MEA1: variants seen among roughly 807,000 people sequenced by gnomAD.
MEA1 encodes Male-enhanced antigen (H-Y structural gene).
A neutral mutation model predicts 21.4 loss-of-function variants in MEA1; 22 were observed. The observed-to-expected ratio is 1.03, with a 90% confidence interval of 0.73 to 1.47. The LOEUF is 1.47. MEA1 is among the 40% of genes most tolerant of loss of function. The pLI is 0.00. For synonymous variants in MEA1, 91 were observed against 85.5 expected (o/e 1.06, Z -0.35); for missense variants, 233 against 230.5 (o/e 1.01, Z -0.07).
intron 1 of MEA1, 193 bp downstream of exon 1, chr6:43,013,593 A>T: frequency 5.0e-6 from 4 of 807,654 alleles, no homozygotes; most frequent in Non-Finnish European, 7.9e-6. Context: ...AGGCCCCACC[A>T]ACTTGCTCCG....
At chr6:43,013,476 G>C (rs2150287296) in intron 1 of MEA1, 87 bp from the exon 2 acceptor site, 1 of 1,465,442 alleles carries the variant, frequency 6.8e-7, no homozygotes, top group South Asian at 1.3e-5. Context: ...AGTCTCCTGC[G>C]TGCAAAAAAC....
In MEA1 at chr6:43,011,153, TAA is replaced by T. The variant is rs1354992216; in HGVS notation, c.*1315_*1316del. 6.2e-7 allele frequency: 1 copy of T among 1,614,082 alleles called. No individual in the cohort carries two copies. Among genetic ancestry groups the T allele is most frequent in the Non-Finnish European group, 8.5e-7 (1 of 1,179,994 alleles). On this transcript the variant is annotated 3_prime_UTR_variant, in exon 4 of 4. Transcript: ENST00000244711. ...CTTGTCCCTATTCACACACAGATGCTAAAAGACATCAAGAAGGAGAAAGTGCT... is the reference window on the plus strand; with the variant it reads ...CTTGTCCCTATTCACACACAGATGCTAAGACATCAAGAAGGAGAAAGTGCT...
chr6:43,016,471 C>G (rs147127947), upstream of MEA1: 2 of 152,466 alleles, frequency 1.3e-5, no homozygotes, highest in African/African-American at 4.8e-5. Flanking sequence ...CAAAGGAACT[C>G]CTTGTGCCTG....
rs978480289 is a variant in MEA1, at chr6:43,013,490, C to T, written c.29-101G>A. ...TAGTCTCCTGCGTGCAAAAAACCAGCTCCTCCCCGAGGCTCCTGCATCCTC... is the reference window on the plus strand; with the variant it reads ...TAGTCTCCTGCGTGCAAAAAACCAGTTCCTCCCCGAGGCTCCTGCATCCTC... On this transcript the variant is annotated intron_variant, in intron 1 of 3. Transcript: ENST00000244711. 2.2e-6 allele frequency: 3 copies of T among 1,342,696 alleles called. No homozygotes were observed. In the African/African-American group the frequency reaches 4.4e-5, roughly 20 times the overall value. The allele number at this position is 1,342,696 out of a possible 1,614,324, so 83.2% of individuals were successfully genotyped here. A position where few individuals can be genotyped will look rare whatever the true frequency, so the allele number is the denominator to read the frequency against.
rs1387878879 is a variant in MEA1, at chr6:43,011,589, A to G, written c.*881T>C. ...CCCACAGCTACCTGAGGCTGCTCTG[A>G]GAAGTACACACAGGAATACATACGC... On this transcript the variant is annotated 3_prime_UTR_variant, in exon 4 of 4. Coordinates refer to ENST00000244711, the MANE Select transcript of MEA1 (RefSeq NM_014623.4). 3 of 466,132 alleles carry G rather than the reference A, an allele frequency of 6.4e-6. No individual in the cohort carries two copies. The East Asian group carries it at 1.2e-4, about 19-fold the overall frequency. The allele number at this position is 466,132 out of a possible 1,614,324, so 28.9% of individuals were successfully genotyped here.
chr6:43,013,506 C>A (rs1213085907), intron 1 of MEA1, 117 bp from the exon 2 acceptor site: 24 of 1,137,868 alleles, frequency 2.1e-5, no homozygotes, highest in Non-Finnish European at 2.5e-5. Flanking sequence ...CCCGAGGCTC[C>A]TGCATCCTCC....
intron 3 of MEA1, 102 bp from the exon 4 acceptor site, chr6:43,012,723 CA>C (rs1406068392): frequency 7.2e-7 from 1 of 1,388,416 alleles, no homozygotes; most frequent in Non-Finnish European, 9.7e-7. Flanking sequence ...CTAGGGTCAC[CA>C]AATCCACCTT....
At position 43,013,135 on chromosome 6, in the gene MEA1, C is replaced by T. The variant is rs367986906; in HGVS notation, c.283G>A (p.Asp95Asn). 6.2e-7 allele frequency: 1 copy of T among 1,614,074 alleles called. No individual in the cohort carries two copies. Among genetic ancestry groups the T allele is most frequent in the East Asian group, 2.2e-5 (1 of 44,880 alleles). Residue 95 changes from aspartate to asparagine, a missense_variant, in exon 2 of 4, where the codon GAC becomes AAC. Asp to Asn is a conservative substitution (Grantham distance 23). Coordinates refer to ENST00000244711, the MANE Select transcript of MEA1 (RefSeq NM_014623.4). ...APVGDGDVVA[D>N]IQDRIQALGL... Reference sequence around the variant, plus strand: ...CCTACCTGGATTCGATCCTGGATGTCAGCAACTACATCTCCATCCCCCACT... The same window carrying T: ...CCTACCTGGATTCGATCCTGGATGTTAGCAACTACATCTCCATCCCCCACT...
Position 43,011,396 on chromosome 6 carries a change from T to G in MEA1, c.*1074A>C. The G allele has an allele frequency of 2.1e-6, 3 of 1,429,154 alleles. No homozygotes were observed. The highest frequency in any genetic ancestry group is 2.8e-6 in the Non-Finnish European group (3 of 1,053,418). 88.5% of individuals were successfully genotyped at this position (1,429,154 alleles called of 1,614,324 possible). A position where few individuals can be genotyped will look rare whatever the true frequency, so the allele number is the denominator to read the frequency against. ...GTCTTGGGGGAAGGCAGCGCCTCTC[T>G]AGCTACTCAAGGGAGGGGGATGTGG... On this transcript the variant is annotated 3_prime_UTR_variant, in exon 4 of 4. Transcript: ENST00000244711.
Position 43,012,196 on chromosome 6 carries a change from A to G in MEA1, c.*274T>C. ...GGGGCCAGGGGCTGAGGAAGGCCGG[A>G]CCCAGGTTCCAGGGGCGCAGGCAGT... On this transcript the variant is annotated 3_prime_UTR_variant, in exon 4 of 4. Coordinates refer to ENST00000244711, the MANE Select transcript of MEA1 (RefSeq NM_014623.4). 1 of 1,149,454 alleles carries G rather than the reference A, an allele frequency of 8.7e-7. No individual in the cohort carries two copies. Among genetic ancestry groups the G allele is most frequent in the Non-Finnish European group, 1.1e-6 (1 of 935,164 alleles). The allele number at this position is 1,149,454 out of a possible 1,614,324, so 71.2% of individuals were successfully genotyped here.
rs1305615158 is a variant in MEA1 at position 43,013,236 on chromosome 6, G to A, written c.182C>T (p.Thr61Met). The A allele has an allele frequency of 3.1e-6, 5 of 1,614,098 alleles. No individual in the cohort carries two copies. The highest frequency in any genetic ancestry group is 4.2e-6 in the Non-Finnish European group (5 of 1,180,000). The change falls in exon 2 of 4, where the codon ACG becomes ATG. Residue 61 changes from threonine (T) to methionine (M), a missense_variant. Thr to Met is a moderately conservative substitution (Grantham distance 81). Coordinates refer to ENST00000244711, the MANE Select transcript of MEA1 (RefSeq NM_014623.4). Reference protein sequence around the residue: ...SEEPEEEQEETGSGPAGYSYQ... With the variant: ...SEEPEEEQEEMGSGPAGYSYQ... ...GGAGTAGCCAGCTGGGCCCGACCCC[G>A]TTTCCTCCTGCTCTTCCTCAGGCTC...
chr6:43,012,484 G>C lies in MEA1; in HGVS notation c.544C>G (p.Pro182Ala). 1 of 1,601,398 alleles carries C rather than the reference G, an allele frequency of 6.2e-7. No homozygotes were observed. The highest frequency in any genetic ancestry group is 8.5e-7 in the Non-Finnish European group (1 of 1,175,476). Reference protein sequence around the residue: ...QKALQARQASPAWK With the variant: ...QKALQARQASAAWK ...TCTCACTGTGGTCACTTCCAGGCAGGGGATGCCTGCCGGGCTTGGAGGGCT... is the reference window on the plus strand; with the variant it reads ...TCTCACTGTGGTCACTTCCAGGCAGCGGATGCCTGCCGGGCTTGGAGGGCT... Residue 182 changes from proline (P) to alanine (A), a missense_variant, in exon 4 of 4, where the codon CCT becomes GCT. Physicochemically the swap from Pro to Ala is conservative, Grantham distance 27. Coordinates refer to ENST00000244711, the MANE Select transcript of MEA1 (RefSeq NM_014623.4).
upstream of MEA1, chr6:43,014,082 G>C (rs1388846856): frequency 1.5e-5 from 21 of 1,416,778 alleles, no homozygotes; most frequent in Non-Finnish European, 1.8e-5. Context: ...CCTCGGTCTC[G>C]ACACATATTT....
At position 43,013,942 on chromosome 6, in the gene MEA1, CAG is replaced by C; in HGVS notation, c.-131_-130del. 6.8e-7 allele frequency: 1 copy of C among 1,464,192 alleles called. No homozygotes were observed. The allele number at this position is 1,464,192 out of a possible 1,614,324, so 90.7% of individuals were successfully genotyped here. ...TCCACTTCCGGCGGGGCAGGACGTG[CAG>C]AGGTGCCTAGTCCTCCAGCCCCGCC... On this transcript the variant is annotated 5_prime_UTR_variant, in exon 1 of 4. Transcript: ENST00000244711.
At chr6:43,012,892 G>C in intron 3 of MEA1, 34 bp downstream of exon 3, 1 of 1,575,228 alleles carries the variant, frequency 6.3e-7, no homozygotes, top group Admixed American at 1.7e-5. Context: ...CATTTCCTTA[G>C]TAATTATTCC....
rs1762439034 is a variant in MEA1, at chr6:43,013,262, C to T, written c.156G>A (p.Glu52=). ...PSEGTGDWSS[E]EPEEEQEETG... Reference sequence around the variant, plus strand: ...TTTCCTCCTGCTCTTCCTCAGGCTCCTCACTGCTCCAATCCCCAGTGCCTT... The same window carrying T: ...TTTCCTCCTGCTCTTCCTCAGGCTCTTCACTGCTCCAATCCCCAGTGCCTT... Residue 52 remains glutamate, a synonymous_variant, in exon 2 of 4, where the codon GAG becomes GAA. Coordinates refer to ENST00000244711, the MANE Select transcript of MEA1 (RefSeq NM_014623.4). 4 of 1,614,076 alleles carry T rather than the reference C, an allele frequency of 2.5e-6. No individual in the cohort carries two copies. Among genetic ancestry groups the T allele is most frequent in the African/African-American group, 2.7e-5 (2 of 74,914 alleles).
In MEA1 at chr6:43,013,366, C is replaced by G; in HGVS notation, c.52G>C (p.Val18Leu). ...SGAPARMATV[V>L]LGGDTMGPER... ...GGGCCCATGGTGTCTCCTCCTAGAA[C>G]TACTGTTGCCATCCGGGCAGGGGCT... The change falls in exon 2 of 4, where the codon GTT (valine) becomes CTT (leucine). Residue 18 changes from valine (V) to leucine (L), a missense_variant. Coordinates refer to ENST00000244711, the MANE Select transcript of MEA1 (RefSeq NM_014623.4). 1 of 1,613,692 alleles carries G rather than the reference C, an allele frequency of 6.2e-7. No individual in the cohort carries two copies. The highest frequency in any genetic ancestry group is 8.5e-7 in the Non-Finnish European group (1 of 1,179,864).
chr6:43,015,844 ACTT>A (rs1169243013), upstream of MEA1, among the ~76,000 whole-genome samples: 1 of 129,508 alleles, frequency 7.7e-6, no homozygotes, highest in African/African-American at 3.6e-5. Context: ...CAAGAGCGAG[ACTT>A]CATCTAAAAA....
rs955809193 is a variant in MEA1 at position 43,013,821 on chromosome 6, C to T, written c.-8G>A. 6 of 1,605,202 alleles carry T rather than the reference C, an allele frequency of 3.7e-6. No homozygotes were observed. Among genetic ancestry groups the T allele is most frequent in the Admixed American group, 1.7e-5 (1 of 59,198 alleles). ...ATGCCTTTCAGGCCCCATGGGCTCC[C>T]CTCAAATGGCCCCAGCTGCAGCGTC... On this transcript the variant is annotated 5_prime_UTR_variant, in exon 1 of 4. Transcript: ENST00000244711.
Sources: allele counts gnomAD v4.1 joint callset (sites outside exome capture counted in the v4.1 genomes callset), GRCh38; gene constraint gnomAD v4.1.1; transcripts MANE v1.5; gene names NCBI Gene and HGNC (gene_info 2026-07-23, HGNC 2026-07-21).